The following PDE11A variants were observed in gnomAD, a reference collection of about 807,000 sequenced individuals.
PDE11A encodes the protein phosphodiesterase 11A, also known as dual 3',5'-cyclic-AMP and -GMP phosphodiesterase 11A.
A neutral mutation model predicts 100.5 loss-of-function variants in PDE11A; 100 were observed. The ratio of observed to expected loss-of-function variants is 1.00; its 90% CI spans 0.85 to 1.18. The LOEUF is 1.18. Ranked by LOEUF, PDE11A falls within the 50% of genes most tolerant of loss-of-function variation. The pLI, the probability that PDE11A is intolerant of heterozygous loss-of-function variation, is 0.00. For missense variants in PDE11A, 1,141 were observed against 1,152.6 expected, an observed-to-expected ratio of 0.99 and a Z score of 0.15; for synonymous variants, 381 against 420.8, an observed-to-expected ratio of 0.91 and a Z score of 1.16.
At chr2:177,698,836 T>A (rs2081156005) in intron 14 of PDE11A, among the ~76,000 whole-genome samples, 1 of 152,160 alleles carries the variant, frequency 6.6e-6, no homozygotes, top group Non-Finnish European at 1.5e-5. Flanking sequence ...CCCAGGTTTT[T>A]TTGCCTGTGC....
intron 5 of PDE11A, among the ~76,000 whole-genome samples, chr2:177,852,926 T>A (rs1427884846): frequency 6.6e-6 from 1 of 152,206 alleles, no homozygotes; most frequent in Non-Finnish European, 1.5e-5. Flanking sequence ...TAACAGAAAT[T>A]AACACATGGT....
At chr2:177,861,832 C>T (rs973937138) in intron 5 of PDE11A, among the ~76,000 whole-genome samples, 2 of 151,848 alleles carry the variant, frequency 1.3e-5, no homozygotes, top group Non-Finnish European at 2.9e-5. Context: ...ATAGTCTTTT[C>T]AACAAATGGT....
intron 3 of PDE11A, among the ~76,000 whole-genome samples, chr2:177,901,943 A>G (rs2084704187): frequency 6.6e-6 from 1 of 152,230 alleles, no homozygotes; most frequent in African/African-American, 2.4e-5. Context: ...ATCACATTAC[A>G]GTAATTTTAT....
chr2:177,754,864 T>C (rs753227107), intron 10 of PDE11A, among the ~76,000 whole-genome samples: 13 of 152,256 alleles, frequency 8.5e-5, no homozygotes, highest in Non-Finnish European at 1.3e-4. Context: ...CTTCTACTAA[T>C]TGAATTCTAA....
chr2:177,767,638 A>C (rs548221024), intron 10 of PDE11A, among the ~76,000 whole-genome samples: 9 of 152,228 alleles, frequency 5.9e-5, no homozygotes, highest in Non-Finnish European at 5.9e-5. Flanking sequence ...ATTTACATAC[A>C]TTAAGTAAAA....
intron 13 of PDE11A, among the ~76,000 whole-genome samples, chr2:177,702,165 C>A (rs1254041746): frequency 6.6e-6 from 1 of 152,036 alleles, no homozygotes; most frequent in African/African-American, 2.4e-5. Flanking sequence ...TGTAGAACAA[C>A]CCATTCCTTA....
intron 10 of PDE11A, among the ~76,000 whole-genome samples, chr2:177,766,867 C>G (rs988620955): frequency 1.1e-4 from 16 of 152,148 alleles, no homozygotes; most frequent in African/African-American, 3.9e-4. Context: ...TGGAGTAAAT[C>G]AGTTAAATTA....
At chr2:178,086,816 G>A (rs1011837903) in intron 2 of PDE11A, among the ~76,000 whole-genome samples, 1 of 152,136 alleles carries the variant, frequency 6.6e-6, no homozygotes, top group Non-Finnish European at 1.5e-5. Context: ...GTGAAACCAG[G>A]ACCCATGTTC....
intron 10 of PDE11A, among the ~76,000 whole-genome samples, chr2:177,766,162 G>A (rs193088263): frequency 6.6e-6 from 1 of 152,118 alleles, no homozygotes; most frequent in South Asian, 2.1e-4. Context: ...GTGGGGGTGT[G>A]GGAATGGTTT....
rs76124618 is a variant in PDE11A at position 177,964,164 on chromosome 2, T to A, written c.1071+50138A>T. Among the ~76,000 whole-genome samples, 31 of 140,646 alleles carry A rather than the reference T, an allele frequency of 2.2e-4. No individual in the cohort carries two copies. The South Asian group carries it at 7.1e-3, about 32-fold the overall frequency. The allele number at this position is 140,646 out of a possible 152,430, so 92.3% of individuals were successfully genotyped here. Reference sequence around the variant, plus strand: ...GTTTTGTTTGTTTGGTTTTTTTTTTTATTGAGACAGGGTCTTGCTCTGTCA... The same window carrying A: ...GTTTTGTTTGTTTGGTTTTTTTTTTAATTGAGACAGGGTCTTGCTCTGTCA... On this transcript the variant is annotated intron_variant, in intron 2 of 19. Coordinates refer to ENST00000286063, the MANE Select transcript of PDE11A (RefSeq NM_016953.4).
rs1404971299 is a variant in PDE11A, at chr2:177,623,670, G to C, written c.*5737C>G. 1 of 152,040 alleles carries C rather than the reference G, an allele frequency of 6.6e-6. No homozygotes were observed. Among genetic ancestry groups the C allele is most frequent in the Non-Finnish European group, 1.5e-5 (1 of 68,000 alleles). 9.4% of individuals were successfully genotyped at this position (152,040 alleles called of 1,614,324 possible). A position where few individuals can be genotyped will look rare whatever the true frequency, so the allele number is the denominator to read the frequency against. On this transcript the variant is annotated 3_prime_UTR_variant, in exon 20 of 20. Transcript: ENST00000286063. Reference sequence around the variant, plus strand: ...TCGAATACACACGCATATACACACAGAAAATGAACACAGATATAAACGGTG... The same window carrying C: ...TCGAATACACACGCATATACACACACAAAATGAACACAGATATAAACGGTG...
At chr2:177,711,399 C>G (rs1017304238) in intron 13 of PDE11A, among the ~76,000 whole-genome samples, 1 of 152,186 alleles carries the variant, frequency 6.6e-6, no homozygotes, top group Admixed American at 6.5e-5. Flanking sequence ...CATCAAATTT[C>G]CTAAGACTGC....
At chr2:177,927,643 A>G (rs1294823827) in intron 2 of PDE11A, among the ~76,000 whole-genome samples, 1 of 152,198 alleles carries the variant, frequency 6.6e-6, no homozygotes, top group Non-Finnish European at 1.5e-5. Flanking sequence ...AAAATGGGAC[A>G]ATAAAATAAC....
At chr2:177,919,080 T>C (rs2084997433) in intron 2 of PDE11A, among the ~76,000 whole-genome samples, 1 of 151,002 alleles carries the variant, frequency 6.6e-6, no homozygotes, top group African/African-American at 2.4e-5. Flanking sequence ...ACATTCTAAA[T>C]AAAAATATTA....
At chr2:178,090,528 G>GTCAAAATGT (rs61389161) in intron 2 of PDE11A, among the ~76,000 whole-genome samples, 61,800 of 151,382 alleles carry the variant, frequency 0.41, 12,810 homozygotes, top group African/African-American at 0.45. Context: ...CTTCCCATAA[G>GTCAAAATGT]TCAAGCTCCA....
chr2:178,040,846 A>T (rs1324421501), intron 1 of PDE11A, among the ~76,000 whole-genome samples: 1 of 152,164 alleles, frequency 6.6e-6, no homozygotes, highest in Non-Finnish European at 1.5e-5. Context: ...AATTTTTATG[A>T]CTTTCATAAT....
At chr2:177,928,236 G>A (rs889853583) in intron 2 of PDE11A, among the ~76,000 whole-genome samples, 2 of 151,682 alleles carry the variant, frequency 1.3e-5, no homozygotes, top group Non-Finnish European at 2.9e-5. Context: ...GTGATTCTAA[G>A]AATAAACTGT....
At chr2:177,937,870 T>G (rs1055573303) in intron 2 of PDE11A, among the ~76,000 whole-genome samples, 1 of 152,084 alleles carries the variant, frequency 6.6e-6, no homozygotes, top group African/African-American at 2.4e-5. Flanking sequence ...GGCTATAGAT[T>G]TATTTTCTGA....
intron 8 of PDE11A, among the ~76,000 whole-genome samples, chr2:177,817,483 A>C (rs1376394567): frequency 6.6e-6 from 1 of 152,190 alleles, no homozygotes; most frequent in Non-Finnish European, 1.5e-5. Context: ...GAGCGCCTGG[A>C]GTGAATGCAC....
Sources: gnomAD v4.1 joint callset for allele counts (sites outside exome capture counted in the v4.1 genomes callset) on GRCh38, gnomAD v4.1.1 for gene constraint, MANE v1.5 for transcripts, NCBI Gene and HGNC (gene_info 2026-07-23, HGNC 2026-07-21) for gene names.